MEF2A: variants seen among roughly 807,000 people sequenced by gnomAD.
MEF2A encodes the protein myocyte enhancer factor 2A, also known as myocyte-specific enhancer factor 2A.
MEF2A carries 28 observed loss-of-function variants against 55.8 expected under a neutral mutation model. The ratio of observed to expected loss-of-function variants is 0.50; its 90% confidence interval spans 0.37 to 0.69. The LOEUF is 0.69. Among genes scored for constraint, MEF2A ranks in the 30% least tolerant of loss-of-function variants. The pLI is 0.00. For missense variants in MEF2A, 528 were observed against 626.2 expected (o/e 0.84, Z 1.67); for synonymous variants, 239 against 227.1 (o/e 1.05, Z -0.47).
At chr15:99,640,719 T>C (rs943187684) in intron 3 of MEF2A, among the ~76,000 whole-genome samples, 3 of 151,936 alleles carry the variant, frequency 2.0e-5, no homozygotes, top group African/African-American at 7.3e-5. Flanking sequence ...TGGCTAATTT[T>C]TGTACTTTTT....
rs767232427 is a variant in MEF2A, at chr15:99,626,914, C to T, written c.-142-6064C>T. Among the ~76,000 whole-genome samples, 4 of 151,974 alleles carry T rather than the reference C, an allele frequency of 2.6e-5. No individual in the cohort carries two copies. In the East Asian group the frequency reaches 7.7e-4, roughly 29 times the overall value. On this transcript the variant is annotated intron_variant, in intron 2 of 11. Coordinates refer to ENST00000557942, the MANE Select transcript of MEF2A (RefSeq NM_001319206.4). Reference sequence around the variant, plus strand: ...AGAGAATATGGCATAAAATAATCAACAAGGAATTGGGAAATGGAAGGTTTC... The same window carrying T: ...AGAGAATATGGCATAAAATAATCAATAAGGAATTGGGAAATGGAAGGTTTC...
At chr15:99,693,660 A>G (rs572576200) in intron 8 of MEF2A, among the ~76,000 whole-genome samples, 33 of 152,328 alleles carry the variant, frequency 2.2e-4, no homozygotes, top group African/African-American at 7.2e-4. Flanking sequence ...CACCAAAAAT[A>G]TCTTTGAGAA....
chr15:99,642,467 A>G (rs2045203652), intron 3 of MEF2A, among the ~76,000 whole-genome samples: 1 of 151,484 alleles, frequency 6.6e-6, no homozygotes, highest in African/African-American at 2.4e-5. Context: ...TTTTCTATTC[A>G]TTTTAGTTTT....
chr15:99,588,549 G>A (rs893470650), intron 1 of MEF2A, among the ~76,000 whole-genome samples: 13 of 151,656 alleles, frequency 8.6e-5, no homozygotes, highest in Non-Finnish European at 5.9e-5. Flanking sequence ...CAGGCAATCT[G>A]GCCATCTCAC....
chr15:99,664,398 C>T (rs1333044654), intron 4 of MEF2A, among the ~76,000 whole-genome samples: 1 of 152,188 alleles, frequency 6.6e-6, no homozygotes, highest in Non-Finnish European at 1.5e-5. Flanking sequence ...TCTCTCATCT[C>T]TGCCACCAAG....
At chr15:99,600,084 C>T (rs1349226265) in intron 2 of MEF2A, among the ~76,000 whole-genome samples, 1 of 152,108 alleles carries the variant, frequency 6.6e-6, no homozygotes, top group African/African-American at 2.4e-5. Flanking sequence ...AAATTTCTCA[C>T]CTGTTTGTTT....
At chr15:99,699,331 A>G (rs112874351) in intron 8 of MEF2A, among the ~76,000 whole-genome samples, 3 of 152,248 alleles carry the variant, frequency 2.0e-5, no homozygotes, top group Admixed American at 2.0e-4. Flanking sequence ...GCAGTAGTGT[A>G]TGATTCCATT....
intron 2 of MEF2A, among the ~76,000 whole-genome samples, chr15:99,606,393 CT>C (rs1266160811): frequency 1.3e-5 from 2 of 151,870 alleles, no homozygotes; most frequent in Non-Finnish European, 2.9e-5. Flanking sequence ...ATAATTTTGA[CT>C]ACCTTAAAAT....
At chr15:99,568,538 G>T (rs1960741555) in intron 1 of MEF2A, among the ~76,000 whole-genome samples, 1 of 152,096 alleles carries the variant, frequency 6.6e-6, no homozygotes, top group African/African-American at 2.4e-5. Flanking sequence ...ATATTCTGAG[G>T]GTGGTTAAGA....
intron 2 of MEF2A, among the ~76,000 whole-genome samples, chr15:99,629,032 C>G (rs2153379002): frequency 6.7e-6 from 1 of 149,522 alleles, no homozygotes; most frequent in South Asian, 2.1e-4. Flanking sequence ...TTTGAAGATA[C>G]CATTTCACTG....
At chr15:99,641,269 C>G (rs2044871784) in intron 3 of MEF2A, among the ~76,000 whole-genome samples, 1 of 152,178 alleles carries the variant, frequency 6.6e-6, no homozygotes, top group Non-Finnish European at 1.5e-5. Context: ...ATGTCTTCAA[C>G]TCCTATCTCC....
At chr15:99,629,879 G>T (rs1228281861) in intron 2 of MEF2A, among the ~76,000 whole-genome samples, 1 of 151,924 alleles carries the variant, frequency 6.6e-6, no homozygotes, top group Non-Finnish European at 1.5e-5. Context: ...AGCGGAAGTT[G>T]CAGTGAGCCG....
At chr15:99,652,196 G>T (rs1466462123) in intron 4 of MEF2A, among the ~76,000 whole-genome samples, 2 of 152,102 alleles carry the variant, frequency 1.3e-5, no homozygotes, top group Non-Finnish European at 2.9e-5. Context: ...ATGGGGGTTG[G>T]GGGTGGGAGG....
chr15:99,605,427 G>T (rs1330271846), intron 2 of MEF2A, among the ~76,000 whole-genome samples: 1 of 152,122 alleles, frequency 6.6e-6, no homozygotes, highest in African/African-American at 2.4e-5. Context: ...TTTCTTTCCT[G>T]CATAATTATT....
chr15:99,664,382 C>T (rs186318948), intron 4 of MEF2A, among the ~76,000 whole-genome samples: 2 of 152,274 alleles, frequency 1.3e-5, no homozygotes, highest in Admixed American at 1.3e-4. Flanking sequence ...ATTAAGGGCT[C>T]CATGGTCTCT....
chr15:99,691,500 C>T (rs1335696703), intron 8 of MEF2A, among the ~76,000 whole-genome samples: 1 of 152,076 alleles, frequency 6.6e-6, no homozygotes, highest in African/African-American at 2.4e-5. Context: ...GAGTTCAAGA[C>T]CAGCCTGGCC....
intron 2 of MEF2A, among the ~76,000 whole-genome samples, chr15:99,632,326 A>G (rs897035003): frequency 6.6e-6 from 1 of 152,234 alleles, no homozygotes; most frequent in African/African-American, 2.4e-5. Context: ...ATTTAAATGC[A>G]TATTTTTACG....
chr15:99,658,953 C>T (rs987931750), intron 4 of MEF2A, among the ~76,000 whole-genome samples: 1 of 151,634 alleles, frequency 6.6e-6, no homozygotes, highest in African/African-American at 2.4e-5. Context: ...TTCATGTGGA[C>T]GATGATCTAT....
rs1192038887 is a variant in MEF2A at position 99,716,236 on chromosome 15, CAAG to C, written c.*3469_*3471del. 3.6e-6 allele frequency: 1 copy of C among 279,832 alleles called. No individual in the cohort carries two copies. Among genetic ancestry groups the C allele is most frequent in the Non-Finnish European group, 7.2e-6 (1 of 139,514 alleles). The allele number at this position is 279,832 out of a possible 1,614,324, so 17.3% of individuals were successfully genotyped here. ...AAATGTTTGTAGTCAACAGTTCACA[CAAG>C]AAGCTGTACACGGTTTGATCATGTA... On this transcript the variant is annotated 3_prime_UTR_variant, in exon 12 of 12. Coordinates refer to ENST00000557942, the MANE Select transcript of MEF2A (RefSeq NM_001319206.4).
Sources: gnomAD v4.1 joint callset for allele counts (sites outside exome capture counted in the v4.1 genomes callset) on GRCh38, gnomAD v4.1.1 for gene constraint, MANE v1.5 for transcripts, NCBI Gene and HGNC (gene_info 2026-07-23, HGNC 2026-07-21) for gene names.